The following PBX4 variants were observed in gnomAD, a reference collection of about 807,000 sequenced individuals.
PBX4 encodes pre-B-cell leukemia transcription factor 4.
A neutral mutation model predicts 35.1 loss-of-function variants in PBX4; 26 were observed. That is an observed-to-expected ratio of 0.74 (90% CI 0.54 to 1.03). The LOEUF (loss-of-function observed/expected upper bound fraction) is 1.03. PBX4 is among the 50% of genes least tolerant of loss of function. PBX4 has a pLI of 0.00. For synonymous variants in PBX4, 199 were observed against 204.2 expected (o/e 0.97, Z 0.22); for missense variants, 448 against 504.3 (o/e 0.89, Z 1.07).
chr19:19,573,281 G>C (rs1179394986), intron 2 of PBX4, among the ~76,000 whole-genome samples: 2 of 148,942 alleles, frequency 1.3e-5, no homozygotes, highest in Non-Finnish European at 3.0e-5. Flanking sequence ...CTCCAGCCTG[G>C]GCAACAAGAG....
chr19:19,583,542 G>A (rs1246125204), intron 2 of PBX4, among the ~76,000 whole-genome samples: 1 of 147,106 alleles, frequency 6.8e-6, no homozygotes, highest in East Asian at 2.1e-4. Flanking sequence ...GAGCCCCGGA[G>A]TTTGAGGCTG....
chr19:19,612,352 G>A (rs903542366), intron 1 of PBX4, among the ~76,000 whole-genome samples: 14 of 152,048 alleles, frequency 9.2e-5, no homozygotes, highest in African/African-American at 2.9e-4. Context: ...ACAAACTTAC[G>A]GCAACAAAAC....
chr19:19,577,150 G>A (rs919083401), intron 2 of PBX4, among the ~76,000 whole-genome samples: 11 of 148,888 alleles, frequency 7.4e-5, no homozygotes, highest in Non-Finnish European at 4.4e-5. Flanking sequence ...GGCCAAGATT[G>A]TGCCACTGCA....
intron 2 of PBX4, among the ~76,000 whole-genome samples, chr19:19,574,013 A>G (rs922865608): frequency 1.3e-5 from 2 of 152,178 alleles, no homozygotes; most frequent in African/African-American, 4.8e-5. Flanking sequence ...TACAGGCGTG[A>G]GTCACCACAC....
rs371722547 is a variant in PBX4 at position 19,582,449 on chromosome 19, A to G, written c.194-11616T>C. ...ACACACCAATAGACACTGGCGGGCC[A>G]TTGATGGTGGAACAATGCAGACACC... On this transcript the variant is annotated intron_variant, in intron 2 of 7. Transcript: ENST00000251203. Among the ~76,000 whole-genome samples, 13 of 152,300 alleles carry G rather than the reference A, an allele frequency of 8.5e-5. No individual in the cohort carries two copies. In the East Asian group the frequency reaches 2.1e-3, roughly 25 times the overall value.
At position 19,599,328 on chromosome 19, in the gene PBX4, G is replaced by C. The variant is rs756115893; in HGVS notation, c.157C>G (p.Leu53Val). 3.5e-5 allele frequency: 56 copies of C among 1,613,388 alleles called. No individual in the cohort carries two copies. Among genetic ancestry groups the C allele is most frequent in the Non-Finnish European group, 4.3e-5 (51 of 1,179,644 alleles). ...ALNCHRMKPA[L>V]FSVLCEIKEK... is the part of the protein sequence containing the mutation. ...TTGATCTCACAGAGCACGCTGAACA[G>C]AGCAGGCTTCATCCGATGGCAATTC... Residue 53 changes from leucine to valine, a missense_variant, in exon 2 of 8, where the codon CTG becomes GTG. By Grantham distance (32) the Leu-to-Val change is conservative. Transcript: ENST00000251203.
intron 1 of PBX4, among the ~76,000 whole-genome samples, chr19:19,609,049 C>T (rs561370666): frequency 6.6e-6 from 1 of 152,152 alleles, no homozygotes; most frequent in African/African-American, 2.4e-5. Context: ...CTGTAAAGCC[C>T]GAGCCTGACT....
rs148211708 is a variant in PBX4 at position 19,573,163 on chromosome 19, G to A, written c.194-2330C>T. Among the ~76,000 whole-genome samples the A allele has an allele frequency of 8.2e-4, 125 of 151,736 alleles. No homozygotes were observed. In the East Asian group the frequency reaches 0.022, roughly 27 times the overall value. On this transcript the variant is annotated intron_variant, in intron 2 of 7. Coordinates refer to ENST00000251203, the MANE Select transcript of PBX4 (RefSeq NM_025245.3). ...TCTACTAAAAATACAAAATTAGCCG[G>A]GCATGATGGCACATGCCTGTAATCC...
chr19:19,615,268 G>A (rs2061683176), intron 1 of PBX4, among the ~76,000 whole-genome samples: 1 of 151,302 alleles, frequency 6.6e-6, no homozygotes, highest in African/African-American at 2.4e-5. Context: ...GATTGCTTGG[G>A]CCCAGAAGGT....
At chr19:19,568,505 A>G (rs1326482441) in intron 5 of PBX4, among the ~76,000 whole-genome samples, 24 of 101,426 alleles carry the variant, frequency 2.4e-4, no homozygotes, top group South Asian at 3.8e-4. Context: ...GTATCCCTCA[A>G]GGAGCTCACA....
At chr19:19,594,973 C>T (rs1388419483) in intron 2 of PBX4, among the ~76,000 whole-genome samples, 3 of 152,194 alleles carry the variant, frequency 2.0e-5, no homozygotes, top group Admixed American at 6.5e-5. Flanking sequence ...CCAACTGCCT[C>T]GGCCTCCCAA....
Position 19,615,600 on chromosome 19 carries a change from T to C in PBX4, c.119+2911A>G, listed in dbSNP as rs543288585. 2.0e-3 allele frequency among the ~76,000 whole-genome samples: 306 copies of C among 152,184 alleles called. 1 individual carries two copies. The highest frequency in any genetic ancestry group is 6.9e-3 in the African/African-American group (287 of 41,542). On this transcript the variant is annotated intron_variant, in intron 1 of 7. Transcript: ENST00000251203. ...ATCGGCCAAATTTGTTAAAAATTCA[T>C]TGAAGAACAGGCCAGGCACAGTAGT...
chr19:19,605,603 G>T (rs1326898347), intron 1 of PBX4, among the ~76,000 whole-genome samples: 1 of 151,604 alleles, frequency 6.6e-6, no homozygotes, highest in East Asian at 1.9e-4. Context: ...TCCAGCCTGG[G>T]CGACAGAGTG....
chr19:19,601,926 C>T (rs556653723), intron 1 of PBX4, among the ~76,000 whole-genome samples: 1 of 152,182 alleles, frequency 6.6e-6, no homozygotes, highest in South Asian at 2.1e-4. Flanking sequence ...ATCGCTGGAG[C>T]TCAGGAGTTT....
chr19:19,617,728 T>G (rs2061695523), intron 1 of PBX4, among the ~76,000 whole-genome samples: 1 of 152,102 alleles, frequency 6.6e-6, no homozygotes, highest in African/African-American at 2.4e-5. Flanking sequence ...GTCTTCCATC[T>G]CCACCCACTC....
At chr19:19,573,883 CCAT>C (rs1323968997) in intron 2 of PBX4, among the ~76,000 whole-genome samples, 1 of 152,130 alleles carries the variant, frequency 6.6e-6, no homozygotes, top group Non-Finnish European at 1.5e-5. Context: ...GCGCTCGCCA[CCAT>C]GCCTGGCTAA....
At chr19:19,573,327 ATATAC>A (rs1312894523) in intron 2 of PBX4, among the ~76,000 whole-genome samples, 1 of 94,362 alleles carries the variant, frequency 1.1e-5, no homozygotes, top group African/African-American at 4.4e-5. Flanking sequence ...AAAAAAAAAA[ATATAC>A]ACACACACAC....
In PBX4 at chr19:19,561,919, A is replaced by T; in HGVS notation, c.*106T>A. ...GGAGCAGGGGCTCATGGGCACCACC[A>T]CCCATCTGGGTTTTCTGAGGTCGTC... On this transcript the variant is annotated 3_prime_UTR_variant, in exon 8 of 8. Coordinates refer to ENST00000251203, the MANE Select transcript of PBX4 (RefSeq NM_025245.3). 1 of 918,970 alleles carries T rather than the reference A, an allele frequency of 1.1e-6. No individual in the cohort carries two copies. The highest frequency in any genetic ancestry group is 1.6e-6 in the Non-Finnish European group (1 of 619,276). The allele number at this position is 918,970 out of a possible 1,614,324, so 56.9% of individuals were successfully genotyped here.
chr19:19,616,868 G>A (rs2061691653), intron 1 of PBX4, among the ~76,000 whole-genome samples: 1 of 151,962 alleles, frequency 6.6e-6, no homozygotes, highest in African/African-American at 2.4e-5. Context: ...ATTTTTGGTA[G>A]AGACTGGGTT....
Sources: allele counts gnomAD v4.1 joint callset (sites outside exome capture counted in the v4.1 genomes callset), GRCh38; gene constraint gnomAD v4.1.1; transcripts MANE v1.5; gene names NCBI Gene and HGNC (gene_info 2026-07-23, HGNC 2026-07-21).